STK3: variants seen among roughly 807,000 people sequenced by gnomAD.
STK3 encodes the protein serine/threonine-protein kinase 3.
Under a neutral mutation model 58.0 loss-of-function variants are expected in STK3, and 41 were observed. That is an observed-to-expected ratio of 0.71 (90% CI 0.55 to 0.92). The LOEUF is 0.92. Ranked by LOEUF, STK3 falls within the 40% of genes least tolerant of loss-of-function variation. The probability of loss-of-function intolerance (pLI) is 0.00; values close to 1 mark genes in which losing one functional copy is unlikely to be tolerated. For synonymous variants in STK3, 170 were observed against 191.0 expected, an observed-to-expected ratio of 0.89 and a Z score of 0.91; for missense variants, 479 against 602.7, an observed-to-expected ratio of 0.79 and a Z score of 2.15.
chr8:98,466,959 G>A (rs1157024368), intron 10 of STK3, among the ~76,000 whole-genome samples: 6 of 152,120 alleles, frequency 3.9e-5, no homozygotes, highest in South Asian at 2.1e-4. Flanking sequence ...TAGTTATCCC[G>A]CAGGCCTCGG....
the STK3 span, among the ~76,000 whole-genome samples, chr8:98,361,117 G>A: frequency 6.6e-6 from 1 of 152,146 alleles, no homozygotes; most frequent in Non-Finnish European, 1.5e-5. Flanking sequence ...AGATTACACT[G>A]AGTACCCCCC....
chr8:98,842,122 G>C (rs1465808762), intron 3 of STK3, among the ~76,000 whole-genome samples: 1 of 151,994 alleles, frequency 6.6e-6, no homozygotes, highest in Non-Finnish European at 1.5e-5. Context: ...AAATAGTGAA[G>C]GGCATGCAAG....
chr8:98,829,955 G>A (rs1408423125), upstream of STK3, among the ~76,000 whole-genome samples: 2 of 151,668 alleles, frequency 1.3e-5, no homozygotes, highest in Non-Finnish European at 2.9e-5. Flanking sequence ...GGCCGGACGT[G>A]GTGGCTCATG....
intron 3 of STK3, among the ~76,000 whole-genome samples, chr8:98,841,370 T>G (rs1835973887): frequency 6.6e-6 from 1 of 152,212 alleles, no homozygotes; most frequent in South Asian, 2.1e-4. Context: ...TACAATAAAC[T>G]GCACTTGAAT....
At chr8:98,885,759 T>C (rs1837965740) in intron 1 of STK3, among the ~76,000 whole-genome samples, 1 of 152,186 alleles carries the variant, frequency 6.6e-6, no homozygotes, top group African/African-American at 2.4e-5. Context: ...TTTTATTTAA[T>C]AGAAAAGCAT....
intron 6 of STK3, among the ~76,000 whole-genome samples, chr8:98,627,820 T>C (rs12550012): frequency 0.11 from 16,215 of 152,294 alleles, 1,632 homozygotes; most frequent in East Asian, 0.39. Context: ...TAGATTTAGC[T>C]GTTAAATTTA....
chr8:98,467,071 C>G (rs1191311927), intron 10 of STK3, among the ~76,000 whole-genome samples: 1 of 152,184 alleles, frequency 6.6e-6, no homozygotes, highest in African/African-American at 2.4e-5. Context: ...ACTAAAGGCT[C>G]TGCCTTTAGT....
At chr8:98,566,239 G>A (rs997347392) in intron 8 of STK3, among the ~76,000 whole-genome samples, 2 of 152,078 alleles carry the variant, frequency 1.3e-5, no homozygotes, top group Non-Finnish European at 2.9e-5. Context: ...CCAGGGCACA[G>A]GTGTATGCAC....
At chr8:98,812,804 C>A (rs1162403950) in intron 1 of STK3, among the ~76,000 whole-genome samples, 1 of 152,128 alleles carries the variant, frequency 6.6e-6, no homozygotes, top group Non-Finnish European at 1.5e-5. Flanking sequence ...GCAAACACCG[C>A]ATGTTCTCAC....
At chr8:98,690,548 G>A (rs577542612) in intron 6 of STK3, among the ~76,000 whole-genome samples, 150 of 151,624 alleles carry the variant, frequency 9.9e-4, no homozygotes, top group Middle Eastern at 3.4e-3. Flanking sequence ...TAGCAGAGAC[G>A]ACACAAACAA....
intron 3 of STK3, chr8:98,413,296 C>G (rs1818076515): frequency 6.6e-6 from 3 of 451,490 alleles, no homozygotes; most frequent in Non-Finnish European, 1.3e-5. Flanking sequence ...ATTACAGGCG[C>G]AAGCCACCAT....
chr8:98,605,363 C>G (rs1224915163), intron 6 of STK3, among the ~76,000 whole-genome samples: 1 of 151,522 alleles, frequency 6.6e-6, no homozygotes, highest in African/African-American at 2.4e-5. Context: ...GGAAGCATAG[C>G]AGCTTCTGTT....
chr8:98,378,059 G>T (rs568058357), intron 2 of STK3, among the ~76,000 whole-genome samples: 2 of 152,356 alleles, frequency 1.3e-5, no homozygotes, highest in South Asian at 4.1e-4. Flanking sequence ...AGATCCAGAG[G>T]AGAGAGGAGG....
chr8:98,903,484 G>T (rs1838737398), intron 1 of STK3, among the ~76,000 whole-genome samples: 1 of 147,030 alleles, frequency 6.8e-6, no homozygotes, highest in Admixed American at 6.8e-5. Flanking sequence ...TTCAATTTAG[G>T]AAGTTCTTCT....
chr8:98,563,836 C>G (rs1812255299), intron 8 of STK3, among the ~76,000 whole-genome samples: 1 of 152,024 alleles, frequency 6.6e-6, no homozygotes, highest in African/African-American at 2.4e-5. Context: ...AACTAATAAC[C>G]ATGAGTCAAT....
At chr8:98,364,308 C>T in the STK3 span, among the ~76,000 whole-genome samples, 2 of 152,192 alleles carry the variant, frequency 1.3e-5, no homozygotes, top group Non-Finnish European at 2.9e-5. Flanking sequence ...ACTCAGCAGC[C>T]GTGGCTACCT....
At chr8:98,806,075 T>C (rs1211961457) in intron 1 of STK3, among the ~76,000 whole-genome samples, 3 of 152,220 alleles carry the variant, frequency 2.0e-5, no homozygotes, top group Non-Finnish European at 4.4e-5. Flanking sequence ...TATTATGTAC[T>C]GTATGAGAAT....
intron 6 of STK3, among the ~76,000 whole-genome samples, chr8:98,701,320 T>C (rs754819404): frequency 6.6e-6 from 1 of 152,184 alleles, no homozygotes; most frequent in Non-Finnish European, 1.5e-5. Context: ...TATACATATA[T>C]ATACATACTT....
intron 3 of STK3, among the ~76,000 whole-genome samples, chr8:98,407,273 T>C (rs1478309889): frequency 6.6e-6 from 1 of 152,226 alleles, no homozygotes; most frequent in Non-Finnish European, 1.5e-5. Context: ...GCGGCCACAG[T>C]GGTGACATCC....
Sources: allele counts gnomAD v4.1 joint callset (sites outside exome capture counted in the v4.1 genomes callset), GRCh38; gene constraint gnomAD v4.1.1; transcripts MANE v1.5; gene names NCBI Gene and HGNC (gene_info 2026-07-23, HGNC 2026-07-21).